The following NR4A3 variants were observed in gnomAD, a reference collection of about 807,000 sequenced individuals.
NR4A3 encodes chondrosarcoma, extraskeletal myxoid, fused to EWS.
A neutral mutation model predicts 55.6 loss-of-function variants in NR4A3; 13 were observed. That is an observed-to-expected ratio of 0.23 (90% CI 0.15 to 0.37). The LOEUF (loss-of-function observed/expected upper bound fraction) is 0.37, where lower values mean the gene tolerates loss of function less well. Ranked by LOEUF, NR4A3 falls within the 10% of genes least tolerant of loss-of-function variation. The pLI is 1.00. For missense variants in NR4A3, 646 were observed against 822.8 expected, an observed-to-expected ratio of 0.79 and a Z score of 2.63; for synonymous variants, 342 against 357.9, an observed-to-expected ratio of 0.96 and a Z score of 0.50.
chr9:99,845,000 G>A, intron 6 of NR4A3, 152 bp downstream of exon 6: 2 of 689,184 alleles, frequency 2.9e-6, no homozygotes, highest in Non-Finnish European at 5.0e-6. Context: ...AGTCACGGAG[G>A]GAGCACTAGG....
chr9:99,827,952 G>T (rs994565182), intron 2 of NR4A3, 89 bp from the exon 3 acceptor site: 2 of 1,461,734 alleles, frequency 1.4e-6, no homozygotes, highest in Admixed American at 4.2e-5. Context: ...CTGTTTCCCA[G>T]ATTAGAGAAC....
chr9:99,833,527 G>C (rs1257027062), intron 5 of NR4A3, 73 bp downstream of exon 5: 2 of 1,613,278 alleles, frequency 1.2e-6, no homozygotes, highest in Non-Finnish European at 1.7e-6. Context: ...AATAAGAGTT[G>C]ATTGAATGAT....
chr9:99,833,390 G>A lies in NR4A3; in HGVS notation c.1190G>A (p.Cys397Tyr). Residue 397 changes from cysteine to tyrosine, a missense_variant, in exon 5 of 8, where the codon TGC (cysteine) becomes TAC (tyrosine). Coordinates refer to ENST00000395097, the MANE Select transcript of NR4A3 (RefSeq NM_006981.4). The stretch of plus-strand genomic sequence containing the variant: ...CCCTCTCCACCTTCTCCTCCAATCT[G>A]CATGATGAATGCCCTTGTCCGAGCT... ...SQPSPPSPPI[C>Y]MMNALVRALT... is the part of the protein sequence containing the mutation. 1 of 1,614,066 alleles carries A rather than the reference G, an allele frequency of 6.2e-7. No individual in the cohort carries two copies. The highest frequency in any genetic ancestry group is 8.5e-7 in the Non-Finnish European group (1 of 1,179,980).
At position 99,864,593 on chromosome 9, in the gene NR4A3, T is replaced by C. The variant is rs1828061720; in HGVS notation, c.*726T>C. On this transcript the variant is annotated 3_prime_UTR_variant, in exon 8 of 8. Transcript: ENST00000395097. ...ACACGTTAATATCCCTAGCAGAGGC[T>C]GTGTTCACCTTCCCTGTCGATCCCT... The C allele has an allele frequency of 4.4e-6, 1 of 228,372 alleles. No individual in the cohort carries two copies. Among genetic ancestry groups the C allele is most frequent in the Non-Finnish European group, 8.7e-6 (1 of 114,818 alleles). The allele number at this position is 228,372 out of a possible 1,614,324, so 14.1% of individuals were successfully genotyped here. A position where few individuals can be genotyped will look rare whatever the true frequency, so the allele number is the denominator to read the frequency against.
intron 5 of NR4A3, among the ~76,000 whole-genome samples, chr9:99,837,721 G>T (rs967527980): frequency 4.6e-5 from 7 of 151,986 alleles, no homozygotes; most frequent in African/African-American, 9.7e-5. Context: ...ATAAGAATTT[G>T]CCCTGTCAAG....
intron 7 of NR4A3, among the ~76,000 whole-genome samples, chr9:99,861,927 C>CA (rs1444288495): frequency 1.3e-5 from 2 of 151,466 alleles, no homozygotes; most frequent in Non-Finnish European, 2.9e-5. Context: ...CCTGCCTCTA[C>CA]AAAAAATAAT....
At chr9:99,843,275 T>C (rs1380923736) in intron 5 of NR4A3, among the ~76,000 whole-genome samples, 1 of 152,240 alleles carries the variant, frequency 6.6e-6, no homozygotes. Context: ...GAAATATGGC[T>C]AACATGACTG....
At chr9:99,843,799 G>A (rs1351823251) in intron 5 of NR4A3, among the ~76,000 whole-genome samples, 1 of 151,524 alleles carries the variant, frequency 6.6e-6, no homozygotes, top group East Asian at 1.9e-4. Context: ...TGGCACCCAT[G>A]CTGGAGTGCA....
chr9:99,864,231 A>T lies in NR4A3; in HGVS notation c.*364A>T, dbSNP rs1291384659. ...AAAACTCTTTCTGGGGAATCCAATT[A>T]TAGTTGCTTTGTATTTAAAAACAAG... On this transcript the variant is annotated 3_prime_UTR_variant, in exon 8 of 8. Coordinates refer to ENST00000395097, the MANE Select transcript of NR4A3 (RefSeq NM_006981.4). 3.9e-6 allele frequency: 1 copy of T among 259,314 alleles called. No homozygotes were observed. Among genetic ancestry groups the T allele is most frequent in the African/African-American group, 2.2e-5 (1 of 45,878 alleles). 16.1% of individuals were successfully genotyped at this position (259,314 alleles called of 1,614,324 possible).
Position 99,844,658 on chromosome 9 carries a change from A to C in NR4A3, c.1264A>C (p.Thr422Pro). 6.2e-7 allele frequency: 1 copy of C among 1,614,182 alleles called. No individual in the cohort carries two copies. Among genetic ancestry groups the C allele is most frequent in the Non-Finnish European group, 8.5e-7 (1 of 1,180,008 alleles). ...CTGGTTTGCATTCTAGTACTGTCCC[A>C]CTGACCAGGCTGCTGCAGGCACAGA... ...RDLDYSRYCPTDQAAAGTDAE... is the reference protein window; with the variant it reads ...RDLDYSRYCPPDQAAAGTDAE... Residue 422 changes from threonine to proline, a missense_variant, in exon 6 of 8, where the codon ACT becomes CCT. Physicochemically the swap from Thr to Pro is conservative, Grantham distance 38. Coordinates refer to ENST00000395097, the MANE Select transcript of NR4A3 (RefSeq NM_006981.4).
rs979429918 is a variant in NR4A3, at chr9:99,848,018, C to T, written c.1633+403C>T. Among the ~76,000 whole-genome samples the T allele has an allele frequency of 2.0e-5, 3 of 152,220 alleles. No homozygotes were observed. The South Asian group carries it at 6.2e-4, about 32-fold the overall frequency. On this transcript the variant is annotated intron_variant, in intron 7 of 7. Transcript: ENST00000395097. ...CACCTGGACTCAAGTGATCCTCCCACTTCAGCCTCCTGAGTAGCTAGGACT... is the reference window on the plus strand; with the variant it reads ...CACCTGGACTCAAGTGATCCTCCCATTTCAGCCTCCTGAGTAGCTAGGACT...
At chr9:99,839,356 G>T (rs932928658) in intron 5 of NR4A3, among the ~76,000 whole-genome samples, 4 of 152,202 alleles carry the variant, frequency 2.6e-5, no homozygotes, top group African/African-American at 7.2e-5. Context: ...GGAGAAAAAC[G>T]TGTCCTTAGC....
rs540967807 is a variant in NR4A3 at position 99,863,630 on chromosome 9, G to C, written c.1644G>C (p.Gly548=). 2 of 1,613,680 alleles carry C rather than the reference G, an allele frequency of 1.2e-6. No individual in the cohort carries two copies. Among genetic ancestry groups the C allele is most frequent in the South Asian group, 2.2e-5 (2 of 91,020 alleles). Reference sequence around the variant, plus strand: ...TCTATCCCTCTGCAGAAAGACATGGGTTAAAAGAACCAAAGAGAGTCGAAG... The same window carrying C: ...TCTATCCCTCTGCAGAAAGACATGGCTTAAAAGAACCAAAGAGAGTCGAAG... The part of the protein sequence containing the change: ...SALSMITERH[G]LKEPKRVEEL... Residue 548 remains glycine, a synonymous_variant, in exon 8 of 8, where the codon GGG becomes GGC. Transcript: ENST00000395097.
In NR4A3 at chr9:99,827,940, C is replaced by G. The variant is rs530413886; in HGVS notation, c.-2-101C>G. On this transcript the variant is annotated intron_variant, in intron 2 of 7. Coordinates refer to ENST00000395097, the MANE Select transcript of NR4A3 (RefSeq NM_006981.4). Reference sequence around the variant, plus strand: ...GAAGGAGGAGAGGATGACACTTCCTCTCTGTTTCCCAGATTAGAGAACAGT... The same window carrying G: ...GAAGGAGGAGAGGATGACACTTCCTGTCTGTTTCCCAGATTAGAGAACAGT... 172 of 1,391,522 alleles carry G rather than the reference C, an allele frequency of 1.2e-4. No homozygotes were observed. In the African/African-American group the frequency reaches 1.9e-3, roughly 15 times the overall value. The allele number at this position is 1,391,522 out of a possible 1,614,324, so 86.2% of individuals were successfully genotyped here.
At chr9:99,827,902 G>T (rs1827336769) in intron 2 of NR4A3, 139 bp from the exon 3 acceptor site, 1 of 1,083,478 alleles carries the variant, frequency 9.2e-7, no homozygotes, top group African/African-American at 1.6e-5. Context: ...GGGGCTTTGT[G>T]TCTATGCTAC....
At position 99,828,876 on chromosome 9, in the gene NR4A3, G is replaced by T; in HGVS notation, c.834G>T (p.Pro278=). Residue 278 remains proline, a synonymous_variant, in exon 3 of 8, where the codon CCG becomes CCT. Coordinates refer to ENST00000395097, the MANE Select transcript of NR4A3 (RefSeq NM_006981.4). This position sits in a 1 kb window ranked among gnomAD's most constrained non-coding sequence, Gnocchi z 7.7. ...SSLLGESPSL[P]SPPSRSSSSG... The stretch of plus-strand genomic sequence containing the variant: ...TGCTGGGCGAGAGTCCCAGCCTGCC[G>T]TCGCCGCCCAGCAGGAGCTCGTCGT... The T allele has an allele frequency of 6.7e-7, 1 of 1,501,318 alleles. No homozygotes were observed. Among genetic ancestry groups the T allele is most frequent in the East Asian group, 2.7e-5 (1 of 36,566 alleles). The allele number at this position is 1,501,318 out of a possible 1,614,324, so 93.0% of individuals were successfully genotyped here. A position where few individuals can be genotyped will look rare whatever the true frequency, so the allele number is the denominator to read the frequency against.
chr9:99,838,261 T>C (rs1488461670), intron 5 of NR4A3, among the ~76,000 whole-genome samples: 4 of 152,194 alleles, frequency 2.6e-5, no homozygotes, highest in African/African-American at 9.7e-5. Context: ...TTCAGCATAC[T>C]AGGATGTTTT....
intron 4 of NR4A3, 36 bp downstream of exon 4, chr9:99,832,854 A>G (rs1408576377): frequency 7.0e-7 from 1 of 1,420,850 alleles, no homozygotes; most frequent in Non-Finnish European, 9.3e-7. Flanking sequence ...GTTTGCTTAT[A>G]CATATTATCA....
intron 5 of NR4A3, among the ~76,000 whole-genome samples, chr9:99,836,533 T>C (rs1827562961): frequency 6.6e-6 from 1 of 152,190 alleles, no homozygotes; most frequent in Non-Finnish European, 1.5e-5. Flanking sequence ...TGGGAACTTG[T>C]AATGGATGAT....
Sources: gnomAD v4.1 joint callset for allele counts (sites outside exome capture counted in the v4.1 genomes callset) on GRCh38, gnomAD v4.1.1 for gene constraint, Gnocchi (gnomAD v3.1) non-coding constraint, MANE v1.5 for transcripts, NCBI Gene and HGNC (gene_info 2026-07-23, HGNC 2026-07-21) for gene names.